Variants in STXBP5L observed in about 807,000 individuals in gnomAD.
STXBP5L encodes syntaxin binding protein 5L.
A neutral mutation model predicts 144.5 loss-of-function variants in STXBP5L; 65 were observed. The ratio of observed to expected loss-of-function variants is 0.45; its 90% CI spans 0.37 to 0.55. The LOEUF (loss-of-function observed/expected upper bound fraction) is 0.55, where lower values mean the gene tolerates loss of function less well. STXBP5L is among the 20% of genes least tolerant of loss of function. STXBP5L has a pLI of 0.00. For synonymous variants in STXBP5L, 505 were observed against 469.6 expected, an observed-to-expected ratio of 1.08 and a Z score of -0.97; for missense variants, 1,298 against 1,405.5, an observed-to-expected ratio of 0.92 and a Z score of 1.22.
At chr3:121,383,762 TA>T (rs1406118772) in intron 22 of STXBP5L, among the ~76,000 whole-genome samples, 4 of 152,124 alleles carry the variant, frequency 2.6e-5, no homozygotes, top group African/African-American at 9.7e-5. Context: ...AGAGCCTACT[TA>T]TTGACTAACT....
intron 9 of STXBP5L, among the ~76,000 whole-genome samples, chr3:121,194,160 C>A (rs1324768909): frequency 6.6e-6 from 1 of 152,046 alleles, no homozygotes; most frequent in Non-Finnish European, 1.5e-5. Context: ...TAAAAAGAAA[C>A]CACGTACCTA....
In STXBP5L at chr3:121,114,860, A is replaced by G; in HGVS notation, c.471-65A>G. On this transcript the variant is annotated intron_variant, in intron 5 of 26. Transcript: ENST00000471454. The stretch of plus-strand genomic sequence containing the variant: ...TAGCTATCACTACATAATACATGTA[A>G]GGAAAATATAATGCTGACCAAATGT... The G allele has an allele frequency of 5.2e-6, 6 of 1,162,054 alleles. No individual in the cohort carries two copies. In the South Asian group the frequency reaches 7.4e-5, roughly 14 times the overall value. The allele number at this position is 1,162,054 out of a possible 1,614,324, so 72.0% of individuals were successfully genotyped here. A position where few individuals can be genotyped will look rare whatever the true frequency, so the allele number is the denominator to read the frequency against.
intron 20 of STXBP5L, among the ~76,000 whole-genome samples, chr3:121,348,928 T>C (rs77432183): frequency 5.2e-4 from 79 of 152,266 alleles, no homozygotes; most frequent in Non-Finnish European, 1.0e-3. Context: ...TCATTGATTT[T>C]TTGAAGGGTT....
At chr3:121,397,072 G>A (rs778299707) in intron 22 of STXBP5L, among the ~76,000 whole-genome samples, 15 of 152,166 alleles carry the variant, frequency 9.9e-5, no homozygotes, top group Admixed American at 3.3e-4. Flanking sequence ...TTTACTTTTC[G>A]ATCCAGAATA....
chr3:121,195,937 C>A (rs1163323181), intron 9 of STXBP5L, among the ~76,000 whole-genome samples: 1 of 152,170 alleles, frequency 6.6e-6, no homozygotes, highest in Non-Finnish European at 1.5e-5. Flanking sequence ...TAGTTTGATT[C>A]AGTCCCACTT....
chr3:121,082,829 C>G (rs2042315882), intron 5 of STXBP5L, among the ~76,000 whole-genome samples: 1 of 152,168 alleles, frequency 6.6e-6, no homozygotes, highest in African/African-American at 2.4e-5. Flanking sequence ...ATTGAGCTAG[C>G]CATAAATTTC....
chr3:121,008,276 T>C (rs1289041532), intron 3 of STXBP5L, among the ~76,000 whole-genome samples: 1 of 151,980 alleles, frequency 6.6e-6, no homozygotes, highest in African/African-American at 2.4e-5. Context: ...TAATAACTCA[T>C]TCCTTTGCCA....
chr3:121,069,467 ATGTT>A (rs2107656198), intron 5 of STXBP5L, among the ~76,000 whole-genome samples: 1 of 152,262 alleles, frequency 6.6e-6, no homozygotes, highest in East Asian at 1.9e-4. Context: ...GTGTGCAAGT[ATGTT>A]TGTGAACATA....
chr3:121,040,957 G>A lies in STXBP5L; in HGVS notation c.288-743G>A, dbSNP rs775854975. Among the ~76,000 whole-genome samples the A allele has an allele frequency of 2.0e-5, 3 of 152,054 alleles. No individual in the cohort carries two copies. The South Asian group carries it at 6.2e-4, about 32-fold the overall frequency. On this transcript the variant is annotated intron_variant, in intron 3 of 26. Transcript: ENST00000471454. ...GTAAGTGGAGACTCTCATCTAATTTGTATCTTTATGCAAGCAAACAAATGA... is the reference window on the plus strand; with the variant it reads ...GTAAGTGGAGACTCTCATCTAATTTATATCTTTATGCAAGCAAACAAATGA...
chr3:121,055,870 T>C (rs1948424951), intron 5 of STXBP5L, among the ~76,000 whole-genome samples: 1 of 150,842 alleles, frequency 6.6e-6, no homozygotes, highest in South Asian at 2.1e-4. Context: ...TTTTTTTTTT[T>C]TTTGTAGAAA....
chr3:120,932,393 G>T (rs1576439058), intron 2 of STXBP5L, among the ~76,000 whole-genome samples: 1 of 152,140 alleles, frequency 6.6e-6, no homozygotes, highest in Non-Finnish European at 1.5e-5. Flanking sequence ...TAGTCTAGCA[G>T]GCAGCCATTT....
intron 3 of STXBP5L, among the ~76,000 whole-genome samples, chr3:120,957,249 T>G (rs1229506580): frequency 6.6e-6 from 1 of 151,986 alleles, no homozygotes; most frequent in Admixed American, 6.6e-5. Context: ...AACCAGATAG[T>G]GTGAAATTTG....
chr3:121,031,283 T>C (rs977467717), intron 3 of STXBP5L, among the ~76,000 whole-genome samples: 2 of 151,994 alleles, frequency 1.3e-5, no homozygotes, highest in Non-Finnish European at 2.9e-5. Context: ...TACACAACAA[T>C]AGGATGTTTA....
Position 121,005,459 on chromosome 3 carries a change from A to T in STXBP5L, c.288-36241A>T, listed in dbSNP as rs924143959. 8.6e-5 allele frequency among the ~76,000 whole-genome samples: 13 copies of T among 151,738 alleles called. No homozygotes were observed. In the East Asian group the frequency reaches 9.6e-4, roughly 11 times the overall value. On this transcript the variant is annotated intron_variant, in intron 3 of 26. Coordinates refer to ENST00000471454, the MANE Select transcript of STXBP5L (RefSeq NM_001308330.2). ...TTCTCTCTTTTCTTCTTTATTAGTC[A>T]TGCTAGCGGTCTATCAATTTTGTTG...
intron 3 of STXBP5L, among the ~76,000 whole-genome samples, chr3:120,982,194 G>C (rs761025702): frequency 6.6e-5 from 10 of 152,162 alleles, no homozygotes; most frequent in Non-Finnish European, 1.0e-4. Context: ...AGATGGGTAT[G>C]GGCTTGATCT....
intron 3 of STXBP5L, among the ~76,000 whole-genome samples, chr3:120,978,765 T>C (rs892935103): frequency 1.6e-4 from 24 of 152,310 alleles, no homozygotes; most frequent in East Asian, 3.9e-4. Flanking sequence ...TTCTAACAGA[T>C]GGGACCCTCA....
chr3:121,284,765 G>T (rs182095472), intron 19 of STXBP5L, among the ~76,000 whole-genome samples: 1 of 152,034 alleles, frequency 6.6e-6, no homozygotes, highest in African/African-American at 2.4e-5. Flanking sequence ...GAGACCTAAC[G>T]TTTTAAGTCA....
chr3:121,292,680 A>G (rs1304653479), intron 19 of STXBP5L, among the ~76,000 whole-genome samples: 4 of 152,346 alleles, frequency 2.6e-5, no homozygotes, highest in African/African-American at 7.2e-5. Flanking sequence ...AAAATGTGGT[A>G]TATCATGGAA....
chr3:121,119,521 G>A (rs2044368314), intron 6 of STXBP5L, among the ~76,000 whole-genome samples: 1 of 151,336 alleles, frequency 6.6e-6, no homozygotes. Context: ...GAACTAAATA[G>A]GGATACCGAG....
Sources: gnomAD v4.1 joint callset for allele counts (sites outside exome capture counted in the v4.1 genomes callset) on GRCh38, gnomAD v4.1.1 for gene constraint, MANE v1.5 for transcripts, NCBI Gene and HGNC (gene_info 2026-07-23, HGNC 2026-07-21) for gene names.